The following NDUFS5 variants were observed in gnomAD, a reference collection of about 807,000 sequenced individuals.
NDUFS5 encodes NADH:ubiquinone oxidoreductase subunit S5, also known as NADH dehydrogenase [ubiquinone] iron-sulfur protein 5.
In NDUFS5, 7 loss-of-function variants were observed where a neutral mutation model predicts 10.5. The ratio of observed to expected loss-of-function variants is 0.66; its 90% CI spans 0.38 to 1.25. NDUFS5 has a LOEUF of 1.25. Ranked by LOEUF, NDUFS5 falls within the 50% of genes most tolerant of loss-of-function variation. The pLI is 0.02. For missense variants in NDUFS5, 148 were observed against 140.7 expected (o/e 1.05, Z -0.26); for synonymous variants, 38 against 44.0 (o/e 0.86, Z 0.54).
At position 39,034,593 on chromosome 1, in the gene NDUFS5, A is replaced by G; in HGVS notation, c.*97A>G. ...CAAACCTCCTTGTCAAAGTGTGTAA[A>G]AATAAAGGATTGCTCCATCCTATTT... On this transcript the variant is annotated 3_prime_UTR_variant, in exon 3 of 3. Transcript: ENST00000372969. The G allele has an allele frequency of 1.1e-6, 1 of 943,754 alleles. No individual in the cohort carries two copies. The highest frequency in any genetic ancestry group is 1.6e-5 in the African/African-American group (1 of 61,314). The allele number at this position is 943,754 out of a possible 1,614,324, so 58.5% of individuals were successfully genotyped here.
intron 1 of NDUFS5, 28 bp downstream of exon 1, chr1:39,026,430 G>C (rs1032509266): frequency 6.6e-6 from 1 of 152,264 alleles, no homozygotes; most frequent in African/African-American, 2.4e-5. Flanking sequence ...CCGCGCGGCA[G>C]CTTAGCTTAA....
intron 2 of NDUFS5, among the ~76,000 whole-genome samples, chr1:39,031,026 C>T (rs762084418): frequency 2.6e-5 from 4 of 151,868 alleles, no homozygotes; most frequent in Admixed American, 6.6e-5. Flanking sequence ...TGCACCACCA[C>T]GCCCAGCTAA....
At position 39,028,552 on chromosome 1, in the gene NDUFS5, G is replaced by T. The variant is rs538140224; in HGVS notation, c.-2-171G>T. 6.6e-5 allele frequency among the ~76,000 whole-genome samples: 10 copies of T among 152,260 alleles called. No individual in the cohort carries two copies. The South Asian group carries it at 2.1e-3, about 32-fold the overall frequency. ...AAAACTGCTTATCTGCCATAAACTG[G>T]AAGAACCTATTTAATGAAAAAGTTT... is the stretch of plus-strand genomic sequence containing the variant. On this transcript the variant is annotated intron_variant, in intron 1 of 2. Coordinates refer to ENST00000372969, the MANE Select transcript of NDUFS5 (RefSeq NM_004552.3).
intron 2 of NDUFS5, among the ~76,000 whole-genome samples, chr1:39,029,821 G>C (rs566807443): frequency 1.4e-4 from 22 of 152,260 alleles, no homozygotes; most frequent in Middle Eastern, 3.4e-3. Flanking sequence ...GGCCAGGCAC[G>C]GTGGCTCACG....
rs1276011938 is a variant in NDUFS5 at position 39,034,581 on chromosome 1, CAAAGTGTGT to C, written c.*89_*97del. The C allele has an allele frequency of 1.9e-6, 2 of 1,078,350 alleles. No homozygotes were observed. The highest frequency in any genetic ancestry group is 3.1e-5 in the African/African-American group (2 of 63,754). The allele number at this position is 1,078,350 out of a possible 1,614,324, so 66.8% of individuals were successfully genotyped here. A position where few individuals can be genotyped will look rare whatever the true frequency, so the allele number is the denominator to read the frequency against. On this transcript the variant is annotated 3_prime_UTR_variant, in exon 3 of 3. Transcript: ENST00000372969. ...GGTTGTTTACGACAAACCTCCTTGT[CAAAGTGTGT>C]AAAAATAAAGGATTGCTCCATCCTA...
chr1:39,027,888 G>C (rs797011077), intron 1 of NDUFS5, among the ~76,000 whole-genome samples: 2 of 139,386 alleles, frequency 1.4e-5, no homozygotes, highest in Admixed American at 7.7e-5. Context: ...GCGGATCTTG[G>C]CTTATTGCAA....
At chr1:39,029,794 C>T (rs1644177343) in intron 2 of NDUFS5, among the ~76,000 whole-genome samples, 1 of 152,068 alleles carries the variant, frequency 6.6e-6, no homozygotes, top group African/African-American at 2.4e-5. Flanking sequence ...TTCACCTCCT[C>T]AAAAGTTGAA....
Position 39,034,615 on chromosome 1 carries a change from A to G in NDUFS5, c.*119A>G, listed in dbSNP as rs1419928138. The G allele has an allele frequency of 1.6e-5, 13 of 790,008 alleles. No individual in the cohort carries two copies. Among genetic ancestry groups the G allele is most frequent in the Non-Finnish European group, 2.3e-5 (11 of 473,292 alleles). 48.9% of individuals were successfully genotyped at this position (790,008 alleles called of 1,614,324 possible). ...TAAAAATAAAGGATTGCTCCATCCT[A>G]TTTGTTCTATTTTCTCTTGGATCAT... On this transcript the variant is annotated 3_prime_UTR_variant, in exon 3 of 3. Coordinates refer to ENST00000372969, the MANE Select transcript of NDUFS5 (RefSeq NM_004552.3).
chr1:39,031,264 G>A (rs1355842188), intron 2 of NDUFS5, among the ~76,000 whole-genome samples: 1 of 151,970 alleles, frequency 6.6e-6, no homozygotes, highest in East Asian at 1.9e-4. Context: ...TCCCACATTG[G>A]CCTCCCAAAG....
At chr1:39,029,295 C>T (rs911465744) in intron 2 of NDUFS5, among the ~76,000 whole-genome samples, 1 of 152,014 alleles carries the variant, frequency 6.6e-6, no homozygotes, top group African/African-American at 2.4e-5. Context: ...GCCTGGCCTC[C>T]TCTGGGATTA....
intron 2 of NDUFS5, among the ~76,000 whole-genome samples, chr1:39,029,415 A>ATTTC (rs1644175247): frequency 6.6e-6 from 1 of 152,146 alleles, no homozygotes; most frequent in African/African-American, 2.4e-5. Flanking sequence ...GAGGAAATTA[A>ATTTC]ATGCCTTCAG....
intron 2 of NDUFS5, among the ~76,000 whole-genome samples, chr1:39,031,088 T>A: frequency 6.6e-6 from 1 of 152,080 alleles, no homozygotes; most frequent in African/African-American, 2.4e-5. Flanking sequence ...CAGGCTGATC[T>A]CGAACTCCTG....
rs371956735 is a variant in NDUFS5, at chr1:39,033,528, G to A, written c.217-864G>A. On this transcript the variant is annotated intron_variant, in intron 2 of 2. Transcript: ENST00000372969. ...GCGGAGGTTGCAGTGAGCTGAGATC[G>A]TGCCACTTTGTCACCCAGGCTGGAG... Among the ~76,000 whole-genome samples, 342 of 144,904 alleles carry A rather than the reference G, an allele frequency of 2.4e-3. 5 individuals carry two copies. The South Asian group carries it at 0.038, about 16-fold the overall frequency.
chr1:39,026,969 C>T (rs1383100033), intron 1 of NDUFS5, among the ~76,000 whole-genome samples: 3 of 152,248 alleles, frequency 2.0e-5, no homozygotes, highest in Admixed American at 6.5e-5. Context: ...GTGTGTGTCT[C>T]TGGTGCTTAC....
chr1:39,028,897 T>C lies in NDUFS5; in HGVS notation c.173T>C (p.Ile58Thr). 6.2e-7 allele frequency: 1 copy of C among 1,613,938 alleles called. No homozygotes were observed. The highest frequency in any genetic ancestry group is 1.7e-5 in the Admixed American group (1 of 59,964). The change falls in exon 2 of 3, where the codon ATA becomes ACA. Residue 58 changes from isoleucine to threonine, a missense_variant. By Grantham distance (89) the Ile-to-Thr change is moderately conservative. Coordinates refer to ENST00000372969, the MANE Select transcript of NDUFS5 (RefSeq NM_004552.3). ...GYTRAEKECK[I>T]EYDDFVECLL... ...ACTCGGGCAGAGAAAGAGTGCAAGA[T>C]AGAATATGATGATTTCGTAGAGTGT...
At chr1:39,026,590 C>T (rs77826337) in intron 1 of NDUFS5, among the ~76,000 whole-genome samples, 188 bp downstream of exon 1, 1 of 152,200 alleles carries the variant, frequency 6.6e-6, no homozygotes, top group Non-Finnish European at 1.5e-5. Flanking sequence ...GATTGCCGCT[C>T]TCTCCACTTT....
At chr1:39,028,450 G>A (rs1042452622) in intron 1 of NDUFS5, among the ~76,000 whole-genome samples, 4 of 152,010 alleles carry the variant, frequency 2.6e-5, no homozygotes, top group East Asian at 1.9e-4. Flanking sequence ...GTGAGCCACC[G>A]CTCCTGACCG....
At chr1:39,027,811 CTTCTTTTTTTTTTT>C (rs144653901) in intron 1 of NDUFS5, among the ~76,000 whole-genome samples, 27,657 of 58,436 alleles carry the variant, frequency 0.47, 4,487 homozygotes, top group Non-Finnish European at 0.52. Context: ...TTTTCTTCTT[CTTCTTTTTTTTTTT>C]TTTTTTTTTT....
chr1:39,027,719 G>A lies in NDUFS5; in HGVS notation c.-2-1004G>A, dbSNP rs1484665326. The stretch of plus-strand genomic sequence containing the variant: ...CTTAGGAGTAGCTGGGACTACAGGC[G>A]CACATACCACCACAAGTGCCTTTTT... On this transcript the variant is annotated intron_variant, in intron 1 of 2. Coordinates refer to ENST00000372969, the MANE Select transcript of NDUFS5 (RefSeq NM_004552.3). Among the ~76,000 whole-genome samples, 3 of 137,444 alleles carry A rather than the reference G, an allele frequency of 2.2e-5. No homozygotes were observed. The South Asian group carries it at 7.0e-4, about 32-fold the overall frequency. The allele number at this position is 137,444 out of a possible 152,430, so 90.2% of individuals were successfully genotyped here.
Sources: allele counts gnomAD v4.1 joint callset (sites outside exome capture counted in the v4.1 genomes callset), GRCh38; gene constraint gnomAD v4.1.1; transcripts MANE v1.5; gene names NCBI Gene and HGNC (gene_info 2026-07-23, HGNC 2026-07-21).